Variants in PPP6R3 observed in about 807,000 individuals in gnomAD.
The protein encoded by PPP6R3 is serine/threonine-protein phosphatase 6 regulatory subunit 3.
A neutral mutation model predicts 110.7 loss-of-function variants in PPP6R3; 38 were observed. That is an observed-to-expected ratio of 0.34 (90% CI 0.26 to 0.45). PPP6R3 has a LOEUF of 0.45. Among genes scored for constraint, PPP6R3 ranks in the 20% least tolerant of loss-of-function variants. The pLI, the probability that PPP6R3 is intolerant of heterozygous loss-of-function variation, is 1.00. For missense variants in PPP6R3, 870 were observed against 1,062.4 expected, an observed-to-expected ratio of 0.82 and a Z score of 2.52; for synonymous variants, 369 against 373.5, an observed-to-expected ratio of 0.99 and a Z score of 0.14.
chr11:68,551,045 C>T, intron 5 of PPP6R3, 76 bp from the exon 6 acceptor site: 2 of 1,004,254 alleles, frequency 2.0e-6, no homozygotes, highest in Non-Finnish European at 3.0e-6. Context: ...TGGATATTTC[C>T]AAGTATGTTA....
chr11:68,577,827 G>T (rs530211172), intron 14 of PPP6R3, among the ~76,000 whole-genome samples: 2 of 152,254 alleles, frequency 1.3e-5, no homozygotes, highest in South Asian at 2.1e-4. Flanking sequence ...TTCTTTGCTT[G>T]CTCTGCTTTT....
At chr11:68,543,234 G>C (rs1030291677) in intron 3 of PPP6R3, among the ~76,000 whole-genome samples, 1 of 152,114 alleles carries the variant, frequency 6.6e-6, no homozygotes, top group South Asian at 2.1e-4. Context: ...GGCCGGTTTT[G>C]AACTTAGCTA....
At chr11:68,557,349 T>C (rs2099403365) in intron 7 of PPP6R3, among the ~76,000 whole-genome samples, 1 of 152,068 alleles carries the variant, frequency 6.6e-6, no homozygotes, top group Admixed American at 6.6e-5. Flanking sequence ...AAAGAGATTC[T>C]CTCCTATTTC....
At chr11:68,532,559 G>C (rs1477886473) in intron 2 of PPP6R3, among the ~76,000 whole-genome samples, 1 of 152,200 alleles carries the variant, frequency 6.6e-6, no homozygotes, top group African/African-American at 2.4e-5. Context: ...CTAATTTTAA[G>C]AACAGTCATA....
chr11:68,551,244 A>G (rs960773624), intron 6 of PPP6R3, 58 bp downstream of exon 6: 1 of 1,306,226 alleles, frequency 7.7e-7, no homozygotes, highest in Non-Finnish European at 1.1e-6. Context: ...AAAACTGTTT[A>G]TTGGGCACAG....
chr11:68,591,580 A>G lies in PPP6R3; in HGVS notation c.1790A>G (p.Asn597Ser). The change falls in exon 18 of 24, where the codon AAT becomes AGT. Residue 597 changes from asparagine to serine, a missense_variant. Physicochemically the swap from Asn to Ser is conservative, Grantham distance 46. Transcript: ENST00000393800. ...NFTLNTNESG[N>S]IALFEACCKE... Reference sequence around the variant, plus strand: ...TTTCCTCTCATTTTTATTTAGGGAAATATTGCCTTGTTTGAAGCATGTTGT... The same window carrying G: ...TTTCCTCTCATTTTTATTTAGGGAAGTATTGCCTTGTTTGAAGCATGTTGT... The G allele has an allele frequency of 1.9e-6, 3 of 1,593,302 alleles. No individual in the cohort carries two copies. Among genetic ancestry groups the G allele is most frequent in the Non-Finnish European group, 2.6e-6 (3 of 1,172,426 alleles).
chr11:68,540,163 A>C (rs1332972338), intron 3 of PPP6R3, among the ~76,000 whole-genome samples: 1 of 152,244 alleles, frequency 6.6e-6, no homozygotes, highest in African/African-American at 2.4e-5. Flanking sequence ...GGAAGCCACC[A>C]GAGGGTTTTG....
intron 3 of PPP6R3, among the ~76,000 whole-genome samples, chr11:68,541,540 G>T (rs1417895089): frequency 6.6e-6 from 1 of 152,170 alleles, no homozygotes; most frequent in Non-Finnish European, 1.5e-5. Context: ...AAATAAGATT[G>T]CAGAGGGAAA....
chr11:68,566,407 T>C (rs955149696), intron 9 of PPP6R3, among the ~76,000 whole-genome samples: 7 of 152,084 alleles, frequency 4.6e-5, no homozygotes, highest in Non-Finnish European at 8.8e-5. Context: ...TTGCTCAGGC[T>C]GGAGTACAAT....
At chr11:68,551,858 T>A (rs925035789) in intron 6 of PPP6R3, among the ~76,000 whole-genome samples, 1 of 152,210 alleles carries the variant, frequency 6.6e-6, no homozygotes, top group African/African-American at 2.4e-5. Context: ...CCAGTCTGTT[T>A]ACAGCTTTGC....
chr11:68,491,267 A>G (rs941567081), intron 1 of PPP6R3, among the ~76,000 whole-genome samples: 3 of 150,684 alleles, frequency 2.0e-5, no homozygotes, highest in Non-Finnish European at 4.4e-5. Flanking sequence ...CAGTGTCTTT[A>G]TTAAAAATTT....
At chr11:68,612,904 A>G in intron 23 of PPP6R3, 162 bp from the exon 24 acceptor site, 1 of 1,364,912 alleles carries the variant, frequency 7.3e-7, no homozygotes. Context: ...ATTTTTCTAG[A>G]GCTTTTGCTC....
intron 1 of PPP6R3, among the ~76,000 whole-genome samples, chr11:68,485,663 T>C (rs2098942299): frequency 1.3e-5 from 2 of 152,212 alleles, no homozygotes; most frequent in Non-Finnish European, 2.9e-5. Flanking sequence ...TTGAACCTAC[T>C]GATGTGATGG....
At chr11:68,500,914 A>T (rs1312034750) in intron 1 of PPP6R3, among the ~76,000 whole-genome samples, 1 of 152,228 alleles carries the variant, frequency 6.6e-6, no homozygotes, top group Admixed American at 6.5e-5. Flanking sequence ...GCTGTTCAAT[A>T]CTTGAAGGGT....
chr11:68,516,063 T>G (rs2099135029), intron 1 of PPP6R3, among the ~76,000 whole-genome samples: 1 of 152,248 alleles, frequency 6.6e-6, no homozygotes, highest in South Asian at 2.1e-4. Context: ...TTACATAGTC[T>G]TCTGCCTTTA....
chr11:68,611,488 G>A (rs563844500), intron 23 of PPP6R3, among the ~76,000 whole-genome samples: 66 of 152,322 alleles, frequency 4.3e-4, no homozygotes, highest in East Asian at 1.5e-3. Flanking sequence ...AACCTGCCGG[G>A]CCAAGGGATG....
chr11:68,475,901 G>A (rs10896328), intron 1 of PPP6R3, among the ~76,000 whole-genome samples: 34,602 of 150,746 alleles, frequency 0.23, 4,203 homozygotes, highest in Middle Eastern at 0.34. Context: ...CATCTCAGAC[G>A]ATGGGCGGCC....
intron 3 of PPP6R3, among the ~76,000 whole-genome samples, chr11:68,542,396 T>TTTTGTTTTTTTTTG (rs1172677244): frequency 8.1e-5 from 9 of 110,666 alleles, no homozygotes; most frequent in African/African-American, 2.2e-4. Context: ...GCTGTTTTTT[T>TTTTGTTTTTTTTTG]TTTTTTTTTT....
chr11:68,518,363 C>T (rs1238989083), intron 1 of PPP6R3, among the ~76,000 whole-genome samples: 1 of 152,102 alleles, frequency 6.6e-6, no homozygotes, highest in African/African-American at 2.4e-5. Context: ...CTGCCAGAAG[C>T]ACATAACCCA....
Sources: allele counts gnomAD v4.1 joint callset (sites outside exome capture counted in the v4.1 genomes callset), GRCh38; gene constraint gnomAD v4.1.1; transcripts MANE v1.5; gene names NCBI Gene and HGNC (gene_info 2026-07-23, HGNC 2026-07-21).